Variants in GEN1 observed in about 807,000 individuals in gnomAD.
GEN1 encodes flap endonuclease GEN homolog 1.
Under a neutral mutation model 67.6 loss-of-function variants are expected in GEN1, and 64 were observed. That is an observed-to-expected ratio of 0.95 (90% CI 0.77 to 1.17). GEN1 has a LOEUF of 1.17. Ranked by LOEUF, GEN1 falls within the 50% of genes most tolerant of loss-of-function variation. The pLI is 0.00. For missense variants in GEN1, 1,058 were observed against 1,048.3 expected (o/e 1.01, Z -0.13); for synonymous variants, 371 against 359.4 (o/e 1.03, Z -0.37).
At chr2:17,756,513 A>G (rs1027247987) in intron 1 of GEN1, among the ~76,000 whole-genome samples, 4 of 152,214 alleles carry the variant, frequency 2.6e-5, no homozygotes, top group Non-Finnish European at 4.4e-5. Context: ...CACCAAAAAA[A>G]TTTAAAATTT....
At chr2:17,764,676 A>C (rs908899857) in intron 3 of GEN1, among the ~76,000 whole-genome samples, 1 of 152,174 alleles carries the variant, frequency 6.6e-6, no homozygotes, top group Non-Finnish European at 1.5e-5. Flanking sequence ...CATAACCACA[A>C]TATAATTTTT....
chr2:17,781,053 T>G lies in GEN1; in HGVS notation c.1841T>G (p.Val614Gly), dbSNP rs1672805337. The change falls in exon 14 of 14, where the codon GTT becomes GGT. Residue 614 changes from valine to glycine, a missense_variant. By Grantham distance (109) the Val-to-Gly change is moderately radical. Coordinates refer to ENST00000381254, the MANE Select transcript of GEN1 (RefSeq NM_001130009.3). ...NTFSHDLKSE[V>G]ESELSAIPDG... ...TTTTCTCATGATTTAAAATCAGAAG[T>G]TGAATCAGAGCTATCAGCCATCCCT... is the stretch of plus-strand genomic sequence containing the variant. 9.3e-6 allele frequency: 15 copies of G among 1,613,924 alleles called. No individual in the cohort carries two copies. Among genetic ancestry groups the G allele is most frequent in the Non-Finnish European group, 1.2e-5 (14 of 1,179,846 alleles).
At chr2:17,770,930 T>A (rs1672155477) in intron 6 of GEN1, 1 of 349,752 alleles carries the variant, frequency 2.9e-6, no homozygotes, top group Non-Finnish European at 5.5e-6. Flanking sequence ...ATATATACAA[T>A]TTTTTTTAAT....
intron 11 of GEN1, among the ~76,000 whole-genome samples, chr2:17,776,838 A>G (rs997937830): frequency 5.9e-5 from 9 of 152,158 alleles, no homozygotes; most frequent in Non-Finnish European, 2.9e-5. Flanking sequence ...TTAAAAGTGC[A>G]GTTAAAGGGC....
intron 5 of GEN1, among the ~76,000 whole-genome samples, chr2:17,767,920 G>A (rs912823512): frequency 1.3e-5 from 2 of 152,180 alleles, no homozygotes; most frequent in African/African-American, 4.8e-5. Flanking sequence ...AAAGACATAG[G>A]CAATAGAGAT....
chr2:17,777,205 T>C (rs1346760527), intron 11 of GEN1, among the ~76,000 whole-genome samples: 2 of 152,094 alleles, frequency 1.3e-5, no homozygotes, highest in Non-Finnish European at 2.9e-5. Context: ...AGGGAAGATG[T>C]GAATTACAAG....
At chr2:17,773,178 A>G (rs2125148919) in intron 9 of GEN1, 41 bp from the exon 10 acceptor site, 4 of 1,558,404 alleles carry the variant, frequency 2.6e-6, no homozygotes, top group Non-Finnish European at 3.5e-6. Flanking sequence ...AACTTTCTTA[A>G]AAGTTTAAAT....
At chr2:17,780,177 A>G in intron 13 of GEN1, 56 bp downstream of exon 13, 1 of 1,367,788 alleles carries the variant, frequency 7.3e-7, no homozygotes, top group Non-Finnish European at 1.0e-6. Flanking sequence ...TAGAAGAGCC[A>G]CCTCTTCTGT....
chr2:17,759,085 A>C (rs1671555935), intron 1 of GEN1, among the ~76,000 whole-genome samples: 1 of 152,222 alleles, frequency 6.6e-6, no homozygotes, highest in African/African-American at 2.4e-5. Context: ...CTTTTGACTT[A>C]ATATATTATT....
intron 13 of GEN1, 57 bp downstream of exon 13, chr2:17,780,178 C>T: frequency 7.3e-7 from 1 of 1,361,594 alleles, no homozygotes. Context: ...AGAAGAGCCA[C>T]CTCTTCTGTT....
chr2:17,785,920 AT>A lies in GEN1; in HGVS notation c.*3982del, dbSNP rs532488134. On this transcript the variant is annotated 3_prime_UTR_variant, in exon 14 of 14. Transcript: ENST00000381254. Reference sequence around the variant, plus strand: ...AAATTAAAATTTAAATTAAAAAAAAATATACAATCTCCGTCTTCTAGATTTT... The same window carrying A: ...AAATTAAAATTTAAATTAAAAAAAAAATACAATCTCCGTCTTCTAGATTTT... 9 of 152,266 alleles carry A rather than the reference AT, an allele frequency of 5.9e-5. No individual in the cohort carries two copies. The East Asian group carries it at 1.7e-3, about 29-fold the overall frequency. 9.4% of individuals were successfully genotyped at this position (152,266 alleles called of 1,614,324 possible).
chr2:17,782,148 G>A lies in GEN1; in HGVS notation c.*209G>A, dbSNP rs1289691514. 2 of 429,796 alleles carry A rather than the reference G, an allele frequency of 4.7e-6. No homozygotes were observed. Among genetic ancestry groups the A allele is most frequent in the South Asian group, 4.9e-5 (1 of 20,462 alleles). The allele number at this position is 429,796 out of a possible 1,614,324, so 26.6% of individuals were successfully genotyped here. On this transcript the variant is annotated 3_prime_UTR_variant, in exon 14 of 14. Coordinates refer to ENST00000381254, the MANE Select transcript of GEN1 (RefSeq NM_001130009.3). ...CTCTGTATTGAAAACTTCTGATAAT[G>A]TATGTCATTATGTCCTTACTATTCC...
intron 12 of GEN1, 40 bp downstream of exon 12, chr2:17,778,103 T>A (rs1206163360): frequency 9.0e-7 from 1 of 1,110,024 alleles, no homozygotes; most frequent in Admixed American, 1.7e-5. Context: ...ATTTATAATA[T>A]TTGACCATGT....
In GEN1 at chr2:17,784,367, T is replaced by C. The variant is rs1268343018; in HGVS notation, c.*2428T>C. ...AATTCTCATAACATGCTGGTAGGAA[T>C]GTAAAATGGGGCAGCCACTTTGGAA... On this transcript the variant is annotated 3_prime_UTR_variant, in exon 14 of 14. Transcript: ENST00000381254. The C allele has an allele frequency of 6.6e-6, 1 of 152,196 alleles. No homozygotes were observed. The highest frequency in any genetic ancestry group is 1.5e-5 in the Non-Finnish European group (1 of 68,032). The allele number at this position is 152,196 out of a possible 1,614,324, so 9.4% of individuals were successfully genotyped here. A position where few individuals can be genotyped will look rare whatever the true frequency, so the allele number is the denominator to read the frequency against.
Position 17,761,500 on chromosome 2 carries a change from G to A in GEN1, c.266G>A (p.Arg89Lys). Residue 89 changes from arginine (R) to lysine (K), a missense_variant, in exon 3 of 14, where the codon AGG becomes AAG. By Grantham distance (26) the Arg-to-Lys change is conservative (BLOSUM62 2). Coordinates refer to ENST00000381254, the MANE Select transcript of GEN1 (RefSeq NM_001130009.3). ...PKLKADVISKRNQSRYGSSGK... is the reference protein window; with the variant it reads ...PKLKADVISKKNQSRYGSSGK... ...CTGAAAGCTGATGTCATAAGCAAGA[G>A]GAATCAGTCTCGGTATGGGTCTTCT... 1 of 1,613,190 alleles carries A rather than the reference G, an allele frequency of 6.2e-7. No individual in the cohort carries two copies. The highest frequency in any genetic ancestry group is 1.3e-5 in the African/African-American group (1 of 75,012).
chr2:17,779,376 C>G (rs796865245), intron 12 of GEN1, among the ~76,000 whole-genome samples: 3 of 152,306 alleles, frequency 2.0e-5, no homozygotes, highest in African/African-American at 7.2e-5. Context: ...CTTACCTAAA[C>G]AAAGTTTTCT....
Position 17,759,923 on chromosome 2 carries a change from T to A in GEN1, c.-15-6T>A, listed in dbSNP as rs1319293524. 1 of 1,612,292 alleles carries A rather than the reference T, an allele frequency of 6.2e-7. No homozygotes were observed. The highest frequency in any genetic ancestry group is 8.5e-7 in the Non-Finnish European group (1 of 1,178,822). ...AATATTTTGTAAAGTGTGTTTCACATAACAGCAGATAATCACCAGAATGGG... is the reference window on the plus strand; with the variant it reads ...AATATTTTGTAAAGTGTGTTTCACAAAACAGCAGATAATCACCAGAATGGG... On this transcript the variant is annotated splice_polypyrimidine_tract_variant and splice_region_variant and intron_variant, in intron 1 of 13. Coordinates refer to ENST00000381254, the MANE Select transcript of GEN1 (RefSeq NM_001130009.3).
intron 3 of GEN1, among the ~76,000 whole-genome samples, chr2:17,764,335 CAT>C (rs1435340871): frequency 2.6e-5 from 4 of 152,132 alleles, no homozygotes; most frequent in Non-Finnish European, 5.9e-5. Context: ...GGTTGACCAT[CAT>C]GTGAGAAAAA....
chr2:17,759,830 A>G (rs1390357778), intron 1 of GEN1, 99 bp from the exon 2 acceptor site: 3 of 1,003,736 alleles, frequency 3.0e-6, no homozygotes, highest in South Asian at 1.7e-5. Flanking sequence ...AATATCCTCT[A>G]TGAATTATCC....
Sources: gnomAD v4.1 joint callset for allele counts (sites outside exome capture counted in the v4.1 genomes callset) on GRCh38, gnomAD v4.1.1 for gene constraint, MANE v1.5 for transcripts, NCBI Gene and HGNC (gene_info 2026-07-23, HGNC 2026-07-21) for gene names.